DNAH12: variants seen among roughly 807,000 people sequenced by gnomAD.
DNAH12 encodes the protein dynein axonemal heavy chain 12.
A neutral mutation model predicts 371.5 loss-of-function variants in DNAH12; 285 were observed. The observed-to-expected ratio is 0.77, with a 90% confidence interval of 0.70 to 0.85. The LOEUF (loss-of-function observed/expected upper bound fraction) is 0.85. Among genes scored for constraint, DNAH12 ranks in the 40% least tolerant of loss-of-function variants. DNAH12 has a pLI of 0.00. For synonymous variants in DNAH12, 1,200 were observed against 1,213.0 expected, an observed-to-expected ratio of 0.99 and a Z score of 0.22; for missense variants, 3,611 against 3,689.4, an observed-to-expected ratio of 0.98 and a Z score of 0.55.
intron 60 of DNAH12, among the ~76,000 whole-genome samples, chr3:57,343,639 G>T (rs949100877): frequency 6.6e-6 from 1 of 152,162 alleles, no homozygotes; most frequent in African/African-American, 2.4e-5. Context: ...CCTGTAAAGG[G>T]TCTGTGCTGA....
intron 43 of DNAH12, among the ~76,000 whole-genome samples, chr3:57,402,089 G>C (rs1216393180): frequency 1.3e-5 from 2 of 152,140 alleles, no homozygotes; most frequent in African/African-American, 4.8e-5. Flanking sequence ...GGTAGACAAT[G>C]CATCAAAAGT....
chr3:57,361,444 C>CAATATATATATATATATATATATATATA (rs1409626573), intron 58 of DNAH12, among the ~76,000 whole-genome samples: 1 of 116,722 alleles, frequency 8.6e-6, no homozygotes, highest in African/African-American at 4.2e-5. Context: ...CACACACACA[C>CAATATATATATATATATATATATATATA]TATATATATA....
chr3:57,414,543 G>C (rs574134944), intron 38 of DNAH12, among the ~76,000 whole-genome samples: 176 of 152,004 alleles, frequency 1.2e-3, no homozygotes, highest in African/African-American at 4.0e-3. Flanking sequence ...CTCCTCCCCC[G>C]CTCCACTCTC....
At chr3:57,346,874 C>T (rs781853384) in intron 60 of DNAH12, among the ~76,000 whole-genome samples, 2 of 150,158 alleles carry the variant, frequency 1.3e-5, no homozygotes, top group Admixed American at 6.6e-5. Context: ...AGGAGCATTA[C>T]GTAAAGATAA....
At chr3:57,476,863 GA>G (rs1427245349) in intron 13 of DNAH12, among the ~76,000 whole-genome samples, 1 of 152,052 alleles carries the variant, frequency 6.6e-6, no homozygotes, top group Admixed American at 6.6e-5. Flanking sequence ...AACTATAAAA[GA>G]AAAAATATTT....
chr3:57,300,509 G>A (rs1030536680), intron 70 of DNAH12, among the ~76,000 whole-genome samples: 1 of 151,822 alleles, frequency 6.6e-6, no homozygotes, highest in Non-Finnish European at 1.5e-5. Context: ...AATGGGCCTA[G>A]GATATGAATT....
intron 26 of DNAH12, 25 bp from the exon 27 acceptor site, chr3:57,446,295 G>T: frequency 1.3e-6 from 2 of 1,537,924 alleles, no homozygotes; most frequent in Non-Finnish European, 1.8e-6. Flanking sequence ...AAAGGAAAGT[G>T]ATTTTTTTCT....
At chr3:57,554,202 G>T in the DNAH12 span, among the ~76,000 whole-genome samples, 1 of 132,060 alleles carries the variant, frequency 7.6e-6, no homozygotes, top group East Asian at 2.0e-4. Flanking sequence ...CATGAGAATC[G>T]CTTGAACCCG....
At chr3:57,434,391 T>G (rs2065055737) in intron 30 of DNAH12, among the ~76,000 whole-genome samples, 1 of 152,136 alleles carries the variant, frequency 6.6e-6, no homozygotes, top group African/African-American at 2.4e-5. Context: ...AACGTTGAGG[T>G]GGTGCTTACT....
At chr3:57,327,901 T>C (rs2153301793) in intron 62 of DNAH12, among the ~76,000 whole-genome samples, 1 of 152,102 alleles carries the variant, frequency 6.6e-6, no homozygotes, top group South Asian at 2.1e-4. Flanking sequence ...CCAACAGAAA[T>C]ACAAACTACC....
rs1317165637 is a variant in DNAH12, at chr3:57,468,979, C to A, written c.2106G>T (p.Arg702=). 3 of 1,511,072 alleles carry A rather than the reference C, an allele frequency of 2.0e-6. No individual in the cohort carries two copies. Among genetic ancestry groups the A allele is most frequent in the Non-Finnish European group, 2.6e-6 (3 of 1,135,500 alleles). 93.6% of individuals were successfully genotyped at this position (1,511,072 alleles called of 1,614,324 possible). Residue 702 remains arginine (R), a splice_region_variant and synonymous_variant, in exon 17 of 74, where the codon CGG becomes CGT. Transcript: ENST00000495027. ...FVLKWQRSEK[R]WMDGGFLDLN... is the part of the protein sequence containing the mutation. Reference sequence around the variant, plus strand: ...GGTCCAAAAACCCTCCATCCATCCACCTGAATGGAAAGAAAAAATATTATT... The same window carrying A: ...GGTCCAAAAACCCTCCATCCATCCAACTGAATGGAAAGAAAAAATATTATT...
At chr3:57,323,919 T>C (rs1224722266) in intron 62 of DNAH12, among the ~76,000 whole-genome samples, 1 of 152,210 alleles carries the variant, frequency 6.6e-6, no homozygotes, top group Non-Finnish European at 1.5e-5. Flanking sequence ...TTGCATATTG[T>C]CCCACTTATT....
intron 13 of DNAH12, among the ~76,000 whole-genome samples, chr3:57,481,196 TA>T (rs1418335419): frequency 6.6e-6 from 1 of 152,216 alleles, no homozygotes; most frequent in Non-Finnish European, 1.5e-5. Context: ...AAAATCTCCT[TA>T]AGCTGATAGG....
chr3:57,354,035 G>T (rs2062741489), intron 59 of DNAH12, among the ~76,000 whole-genome samples: 1 of 152,158 alleles, frequency 6.6e-6, no homozygotes, highest in Non-Finnish European at 1.5e-5. Flanking sequence ...ATACCCAAAG[G>T]AATATAAATT....
intron 60 of DNAH12, among the ~76,000 whole-genome samples, chr3:57,351,065 T>G (rs2062660761): frequency 6.6e-6 from 1 of 151,474 alleles, no homozygotes; most frequent in Non-Finnish European, 1.5e-5. Context: ...GGTCAGGAGT[T>G]TGAGACCAGC....
chr3:57,543,028 G>T (rs891243642), intron 1 of DNAH12, 125 bp from the exon 2 acceptor site: 5 of 638,288 alleles, frequency 7.8e-6, no homozygotes, highest in African/African-American at 7.6e-5. Flanking sequence ...CCCAAGTATG[G>T]TATTAGTCTA....
chr3:57,336,373 G>C (rs1262387055), intron 60 of DNAH12, among the ~76,000 whole-genome samples: 1 of 152,014 alleles, frequency 6.6e-6, no homozygotes, highest in East Asian at 1.9e-4. Flanking sequence ...TGCTGAAGGA[G>C]TTAAAGCAAA....
chr3:57,429,175 ACACATT>A (rs1254140329), intron 33 of DNAH12, among the ~76,000 whole-genome samples: 10 of 87,962 alleles, frequency 1.1e-4, no homozygotes, highest in African/African-American at 4.2e-4. Flanking sequence ...ACTCCTCTCC[ACACATT>A]TTTTTTTTTT....
chr3:57,447,994 A>T (rs2153371393), intron 25 of DNAH12, among the ~76,000 whole-genome samples: 1 of 152,270 alleles, frequency 6.6e-6, no homozygotes, highest in East Asian at 1.9e-4. Flanking sequence ...TAAATTTATA[A>T]TGGATGCCAT....
Sources: allele counts gnomAD v4.1 joint callset (sites outside exome capture counted in the v4.1 genomes callset), GRCh38; gene constraint gnomAD v4.1.1; transcripts MANE v1.5; gene names NCBI Gene and HGNC (gene_info 2026-07-23, HGNC 2026-07-21).